RAMP1: variants seen among roughly 807,000 people sequenced by gnomAD.
RAMP1 encodes the protein receptor activity-modifying protein 1.
In RAMP1, 7 loss-of-function variants were observed where a neutral mutation model predicts 8.2. That is an observed-to-expected ratio of 0.85 (90% CI 0.49 to 1.60). The LOEUF (loss-of-function observed/expected upper bound fraction) is 1.60, where lower values mean the gene tolerates loss of function less well. Among genes scored for constraint, RAMP1 ranks in the 40% most tolerant of loss-of-function variants. The probability of loss-of-function intolerance (pLI) is 0.00; values close to 1 mark genes in which losing one functional copy is unlikely to be tolerated. For missense variants in RAMP1, 192 were observed against 202.4 expected, an observed-to-expected ratio of 0.95 and a Z score of 0.31; for synonymous variants, 92 against 84.7, an observed-to-expected ratio of 1.09 and a Z score of -0.47.
At chr2:237,897,051 G>T (rs1321443049) in intron 2 of RAMP1, among the ~76,000 whole-genome samples, 1 of 152,222 alleles carries the variant, frequency 6.6e-6, no homozygotes, top group South Asian at 2.1e-4. Context: ...GCCTCAGTGG[G>T]TCCCTCTTTT....
In RAMP1 at chr2:237,900,102, T is replaced by C. The variant is rs961150582; in HGVS notation, c.192-11426T>C. ...GGATTTTCCAATTTTTAACAAACCT[T>C]TTTTACGTATTAATCTCTTATACTT... On this transcript the variant is annotated intron_variant, in intron 2 of 2. Transcript: ENST00000254661. Among the ~76,000 whole-genome samples, 8 of 152,292 alleles carry C rather than the reference T, an allele frequency of 5.3e-5. 1 individual carries two copies. The highest frequency in any genetic ancestry group is 5.2e-4 in the Admixed American group (8 of 15,284).
At chr2:237,883,437 C>T (rs781168034) in intron 2 of RAMP1, among the ~76,000 whole-genome samples, 8 of 152,200 alleles carry the variant, frequency 5.3e-5, no homozygotes, top group Non-Finnish European at 1.2e-4. Context: ...AGAAGTCTTG[C>T]TTCCTCTATC....
intron 2 of RAMP1, among the ~76,000 whole-genome samples, chr2:237,881,688 G>A (rs757686511): frequency 6.6e-6 from 1 of 152,168 alleles, no homozygotes; most frequent in African/African-American, 2.4e-5. Flanking sequence ...AACATCTTTC[G>A]TATGTTTACA....
rs1049834416 is a variant in RAMP1, at chr2:237,877,533, T to G, written c.191+171T>G. On this transcript the variant is annotated intron_variant, in intron 2 of 2. Transcript: ENST00000254661. This position sits in a 1 kb window ranked among gnomAD's most constrained non-coding sequence, Gnocchi z 4.4. ...GACAGAGGAGGGAGCCAGTAGCAGG[T>G]GGACGTGAAGAGTGACGGTGGGAGG... 1.2e-4 allele frequency among the ~76,000 whole-genome samples: 19 copies of G among 152,230 alleles called. 1 individual carries two copies. Among genetic ancestry groups the G allele is most frequent in the Admixed American group, 2.6e-4 (4 of 15,304 alleles).
At chr2:237,908,412 G>GGTGGTGGTA (rs1433830308) in intron 2 of RAMP1, among the ~76,000 whole-genome samples, 13 of 150,980 alleles carry the variant, frequency 8.6e-5, no homozygotes, top group African/African-American at 2.4e-4. Context: ...AGAGACCTCT[G>GGTGGTGGTA]GTGGTGGTGG....
At chr2:237,893,887 C>T (rs2062511119) in intron 2 of RAMP1, among the ~76,000 whole-genome samples, 1 of 151,510 alleles carries the variant, frequency 6.6e-6, no homozygotes, top group Non-Finnish European at 1.5e-5. Context: ...TTGCAGTGAG[C>T]CAAGATTGTG....
At chr2:237,863,851 C>T (rs1045313876) in intron 1 of RAMP1, among the ~76,000 whole-genome samples, 3 of 151,836 alleles carry the variant, frequency 2.0e-5, no homozygotes, top group African/African-American at 7.3e-5. Context: ...TCTCTGGGAC[C>T]GAGAACCAGA....
chr2:237,896,501 T>C (rs1025873932), intron 2 of RAMP1, among the ~76,000 whole-genome samples: 3 of 152,198 alleles, frequency 2.0e-5, no homozygotes, highest in African/African-American at 7.2e-5. Flanking sequence ...CCTGGACCGT[T>C]CCCCAGTCTG....
At chr2:237,866,726 CTT>C (rs202102249) in intron 1 of RAMP1, among the ~76,000 whole-genome samples, 5 of 147,010 alleles carry the variant, frequency 3.4e-5, no homozygotes, top group Non-Finnish European at 4.5e-5. Flanking sequence ...ATACTGTATT[CTT>C]TTTTTTTTTT....
chr2:237,886,061 C>T (rs909211866), intron 2 of RAMP1, among the ~76,000 whole-genome samples: 2 of 152,188 alleles, frequency 1.3e-5, no homozygotes, highest in Non-Finnish European at 2.9e-5. Flanking sequence ...GCAGTGACAC[C>T]AGTCTGGCTC....
At chr2:237,885,834 C>T (rs1357313378) in intron 2 of RAMP1, among the ~76,000 whole-genome samples, 2 of 152,206 alleles carry the variant, frequency 1.3e-5, no homozygotes, top group African/African-American at 4.8e-5. Flanking sequence ...TCTTTCCAGG[C>T]ATCTCCAGAG....
chr2:237,904,589 CA>C (rs1173554631), intron 2 of RAMP1, among the ~76,000 whole-genome samples: 1 of 152,196 alleles, frequency 6.6e-6, no homozygotes, highest in Non-Finnish European at 1.5e-5. Context: ...GCCCGAGCAA[CA>C]GAGCAAAACG....
At position 237,859,687 on chromosome 2, in the gene RAMP1, C is replaced by T. The variant is rs1478941107; in HGVS notation, c.12C>T (p.Ala4=). Residue 4 remains alanine (A), a synonymous_variant, in exon 1 of 3, where the codon GCC becomes GCT. Coordinates refer to ENST00000254661, the MANE Select transcript of RAMP1 (RefSeq NM_005855.4). ...CACCGCTGTGCACCATGGCCCGGGC[C>T]CTGTGCCGCCTCCCGCGGCGCGGCC... MAR[A]LCRLPRRGLW... 2 of 1,511,348 alleles carry T rather than the reference C, an allele frequency of 1.3e-6. No homozygotes were observed. The highest frequency in any genetic ancestry group is 1.8e-6 in the Non-Finnish European group (2 of 1,130,840). The allele number at this position is 1,511,348 out of a possible 1,614,324, so 93.6% of individuals were successfully genotyped here.
intron 1 of RAMP1, among the ~76,000 whole-genome samples, chr2:237,869,698 T>C (rs1463627453): frequency 2.0e-5 from 3 of 152,262 alleles, no homozygotes; most frequent in Non-Finnish European, 4.4e-5. Context: ...TTCTGGCTGT[T>C]GTGAATCAGG....
At chr2:237,867,571 G>T (rs1028524506) in intron 1 of RAMP1, among the ~76,000 whole-genome samples, 1 of 152,154 alleles carries the variant, frequency 6.6e-6, no homozygotes, top group African/African-American at 2.4e-5. Flanking sequence ...AGAACCGTTC[G>T]ATGTGACACA....
intron 2 of RAMP1, among the ~76,000 whole-genome samples, chr2:237,899,370 C>CGA (rs1032538323): frequency 1.3e-5 from 2 of 152,144 alleles, no homozygotes; most frequent in Non-Finnish European, 2.9e-5. Context: ...TGCACCTGGC[C>CGA]GAGAGAGAGA....
chr2:237,905,512 CG>C (rs1161863512), intron 2 of RAMP1, among the ~76,000 whole-genome samples: 3 of 152,184 alleles, frequency 2.0e-5, no homozygotes, highest in Non-Finnish European at 4.4e-5. Context: ...TCTGTGGTGG[CG>C]TGGCTTCCTG....
At chr2:237,898,699 G>A (rs1485639674) in intron 2 of RAMP1, among the ~76,000 whole-genome samples, 3 of 152,210 alleles carry the variant, frequency 2.0e-5, no homozygotes, top group African/African-American at 2.4e-5. Flanking sequence ...CCAGGCTCCC[G>A]AGCTCACACA....
intron 2 of RAMP1, among the ~76,000 whole-genome samples, chr2:237,897,146 G>A (rs1054517126): frequency 5.9e-5 from 9 of 152,202 alleles, no homozygotes; most frequent in African/African-American, 1.4e-4. Context: ...CCAGAGCCCC[G>A]CATGCAACCA....
Sources: gnomAD v4.1 joint callset for allele counts (sites outside exome capture counted in the v4.1 genomes callset) on GRCh38, gnomAD v4.1.1 for gene constraint, Gnocchi (gnomAD v3.1) non-coding constraint, MANE v1.5 for transcripts, NCBI Gene and HGNC (gene_info 2026-07-23, HGNC 2026-07-21) for gene names.